RAPGEF4: variants seen among roughly 807,000 people sequenced by gnomAD.
RAPGEF4 encodes RAP guanine-nucleotide-exchange factor (GEF) 4.
RAPGEF4 carries 66 observed loss-of-function variants against 147.9 expected under a neutral mutation model. That is an observed-to-expected ratio of 0.45 (90% CI 0.37 to 0.55). The LOEUF (loss-of-function observed/expected upper bound fraction) is 0.55, where lower values mean the gene tolerates loss of function less well. Among genes scored for constraint, RAPGEF4 ranks in the 20% least tolerant of loss-of-function variants. The pLI is 0.00. For synonymous variants in RAPGEF4, 419 were observed against 442.7 expected (o/e 0.95, Z 0.67); for missense variants, 1,071 against 1,257.3 (o/e 0.85, Z 2.24).
At chr2:172,948,289 T>C (rs1687880380) in intron 6 of RAPGEF4, among the ~76,000 whole-genome samples, 1 of 152,222 alleles carries the variant, frequency 6.6e-6, no homozygotes, top group African/African-American at 2.4e-5. Flanking sequence ...GTTAGGAATG[T>C]GCTTGTTCAG....
At chr2:173,022,099 A>G (rs1367929580) in intron 23 of RAPGEF4, among the ~76,000 whole-genome samples, 1 of 152,230 alleles carries the variant, frequency 6.6e-6, no homozygotes, top group Non-Finnish European at 1.5e-5. Flanking sequence ...GGAAAGCCAT[A>G]AAAAGCCAGT....
At chr2:172,836,078 A>G (rs1237023995) in intron 4 of RAPGEF4, among the ~76,000 whole-genome samples, 2 of 152,216 alleles carry the variant, frequency 1.3e-5, no homozygotes, top group African/African-American at 4.8e-5. Flanking sequence ...TGAAATGGAA[A>G]TATACCTTCC....
chr2:173,026,532 G>A (rs1399402430), intron 23 of RAPGEF4, 40 bp from the exon 24 acceptor site: 3 of 1,598,332 alleles, frequency 1.9e-6, no homozygotes, highest in Non-Finnish European at 2.6e-6. Flanking sequence ...ATACTTGTCT[G>A]TGTTGAGTTT....
At chr2:172,854,377 G>A (rs1490721503) in intron 4 of RAPGEF4, among the ~76,000 whole-genome samples, 1 of 151,592 alleles carries the variant, frequency 6.6e-6, no homozygotes, top group Non-Finnish European at 1.5e-5. Context: ...CTAATTCATA[G>A]GATATTAATA....
At chr2:172,960,644 T>A (rs1575379326) in intron 6 of RAPGEF4, 116 bp from the exon 7 acceptor site, 2 of 737,552 alleles carry the variant, frequency 2.7e-6, no homozygotes, top group South Asian at 5.1e-5. Flanking sequence ...CTTATTTTTT[T>A]AAATTATATT....
At chr2:172,766,497 A>C (rs1316958288) in intron 1 of RAPGEF4, among the ~76,000 whole-genome samples, 2 of 152,066 alleles carry the variant, frequency 1.3e-5, no homozygotes, top group Non-Finnish European at 2.9e-5. Context: ...GGTTGCAGGG[A>C]GTCACTGTAC....
chr2:172,829,603 T>C (rs1370613208), intron 4 of RAPGEF4, among the ~76,000 whole-genome samples: 1 of 152,184 alleles, frequency 6.6e-6, no homozygotes, highest in African/African-American at 2.4e-5. Flanking sequence ...CTTATCTTTT[T>C]ATGTAGATTG....
At chr2:172,803,743 TA>T (rs2149573710) in intron 3 of RAPGEF4, among the ~76,000 whole-genome samples, 1 of 152,318 alleles carries the variant, frequency 6.6e-6, no homozygotes, top group Non-Finnish European at 1.5e-5. Context: ...CTGCCTCCCT[TA>T]TAAAACTGAA....
intron 4 of RAPGEF4, among the ~76,000 whole-genome samples, chr2:172,858,916 G>A (rs1659539293): frequency 6.6e-6 from 1 of 152,102 alleles, no homozygotes; most frequent in Non-Finnish European, 1.5e-5. Context: ...GGTTGGGGAA[G>A]AACCTGAAAT....
intron 1 of RAPGEF4, 142 bp from the exon 2 acceptor site, chr2:172,794,883 A>T (rs1686216479): frequency 1.2e-6 from 1 of 848,930 alleles, no homozygotes; most frequent in African/African-American, 1.7e-5. Context: ...AATACCTATA[A>T]GGGGGTGGAT....
At chr2:172,950,487 T>A (rs546489445) in intron 6 of RAPGEF4, among the ~76,000 whole-genome samples, 2 of 152,212 alleles carry the variant, frequency 1.3e-5, no homozygotes, top group Non-Finnish European at 2.9e-5. Context: ...ATGGAGTGTG[T>A]TTTTTTCCTG....
At chr2:172,928,136 C>T (rs902207375) in intron 6 of RAPGEF4, 2 of 448,138 alleles carry the variant, frequency 4.5e-6, no homozygotes, top group African/African-American at 4.0e-5. Flanking sequence ...TTTTGCCCCA[C>T]CTTCTAGAAA....
At chr2:172,921,244 G>T (rs1684724541) in intron 5 of RAPGEF4, among the ~76,000 whole-genome samples, 1 of 151,924 alleles carries the variant, frequency 6.6e-6, no homozygotes, top group African/African-American at 2.4e-5. Context: ...CTACAGGCAT[G>T]CACCACCATG....
chr2:172,761,949 C>T lies in RAPGEF4; in HGVS notation c.65+25901C>T, dbSNP rs940416734. Reference sequence around the variant, plus strand: ...CCAGCCTGGCCAACATGGTAAAACCCGTCCCTAAATTAAAGTACAAAAATT... The same window carrying T: ...CCAGCCTGGCCAACATGGTAAAACCTGTCCCTAAATTAAAGTACAAAAATT... On this transcript the variant is annotated intron_variant, in intron 1 of 30. Transcript: ENST00000397081. Among the ~76,000 whole-genome samples the T allele has an allele frequency of 3.9e-5, 6 of 152,012 alleles. No homozygotes were observed. In the South Asian group the frequency reaches 6.2e-4, roughly 16 times the overall value.
intron 10 of RAPGEF4, among the ~76,000 whole-genome samples, chr2:172,973,825 G>C (rs1690775711): frequency 6.6e-6 from 1 of 152,184 alleles, no homozygotes; most frequent in Non-Finnish European, 1.5e-5. Context: ...GTTATAGTTT[G>C]AAATGACAGC....
intron 6 of RAPGEF4, among the ~76,000 whole-genome samples, chr2:172,922,704 T>C (rs930462504): frequency 1.3e-5 from 2 of 152,242 alleles, no homozygotes; most frequent in African/African-American, 4.8e-5. Context: ...TCTAATTATA[T>C]ACAAGTGCAC....
chr2:172,807,868 G>T (rs1405857447), intron 3 of RAPGEF4, among the ~76,000 whole-genome samples: 1 of 152,172 alleles, frequency 6.6e-6, no homozygotes, highest in Non-Finnish European at 1.5e-5. Context: ...AATTTGCCAT[G>T]AGACAATGAA....
chr2:172,971,343 A>G (rs1690462249), intron 10 of RAPGEF4, among the ~76,000 whole-genome samples: 1 of 152,234 alleles, frequency 6.6e-6, no homozygotes, highest in Non-Finnish European at 1.5e-5. Context: ...GAGGACAGTT[A>G]AGTAGACACT....
chr2:172,828,566 C>T (rs1043015396), intron 4 of RAPGEF4, among the ~76,000 whole-genome samples: 1 of 152,170 alleles, frequency 6.6e-6, no homozygotes, highest in South Asian at 2.1e-4. Flanking sequence ...TGCAGAAACA[C>T]ATAAGACACC....
Sources: allele counts gnomAD v4.1 joint callset (sites outside exome capture counted in the v4.1 genomes callset), GRCh38; gene constraint gnomAD v4.1.1; transcripts MANE v1.5; gene names NCBI Gene and HGNC (gene_info 2026-07-23, HGNC 2026-07-21).